DLGAP1: variants seen among roughly 807,000 people sequenced by gnomAD.
The protein encoded by DLGAP1 is disks large-associated protein 1.
Under a neutral mutation model 90.8 loss-of-function variants are expected in DLGAP1, and 11 were observed. That is an observed-to-expected ratio of 0.12 (90% CI 0.08 to 0.20). The LOEUF (loss-of-function observed/expected upper bound fraction) is 0.20. Among genes scored for constraint, DLGAP1 ranks in the 10% least tolerant of loss-of-function variants. The probability of loss-of-function intolerance (pLI) is 1.00; values close to 1 mark genes in which losing one functional copy is unlikely to be tolerated. For missense variants in DLGAP1, 1,050 were observed against 1,333.8 expected, an observed-to-expected ratio of 0.79 and a Z score of 3.31; for synonymous variants, 558 against 540.7, an observed-to-expected ratio of 1.03 and a Z score of -0.44.
At chr18:3,862,518 G>A (rs2070133964) in intron 4 of DLGAP1, among the ~76,000 whole-genome samples, 1 of 148,760 alleles carries the variant, frequency 6.7e-6, no homozygotes, top group African/African-American at 2.5e-5. Context: ...TGATGGTGAG[G>A]GAGGTACAAA....
At chr18:4,235,719 CTTTTTTTT>C (rs1175101805) in intron 1 of DLGAP1, among the ~76,000 whole-genome samples, 5 of 80,252 alleles carry the variant, frequency 6.2e-5, no homozygotes, top group Admixed American at 1.9e-4. Context: ...ATTTCAATGT[CTTTTTTTT>C]TTTTTTTTTT....
chr18:4,002,212 A>T (rs974328092), intron 3 of DLGAP1, among the ~76,000 whole-genome samples: 2 of 152,172 alleles, frequency 1.3e-5, no homozygotes, highest in African/African-American at 4.8e-5. Context: ...TTTAGCAACG[A>T]AACTTTTAAA....
chr18:4,191,318 G>T (rs912035670), intron 1 of DLGAP1, among the ~76,000 whole-genome samples: 18 of 152,158 alleles, frequency 1.2e-4, no homozygotes, highest in African/African-American at 4.3e-4. Context: ...TCATACCAAA[G>T]ACTTCTTTAT....
At chr18:3,672,076 G>A (rs962842758) in intron 7 of DLGAP1, among the ~76,000 whole-genome samples, 2 of 152,110 alleles carry the variant, frequency 1.3e-5, no homozygotes, top group Admixed American at 1.3e-4. Context: ...TCAGAAAGCA[G>A]ATTTGAAAAG....
At chr18:3,751,707 C>T (rs569976248) in intron 5 of DLGAP1, among the ~76,000 whole-genome samples, 14 of 148,994 alleles carry the variant, frequency 9.4e-5, no homozygotes, top group African/African-American at 3.5e-4. Context: ...TAGAGGTGTG[C>T]GCGTGTGCCA....
chr18:3,800,697 T>C (rs2066248088), intron 5 of DLGAP1, among the ~76,000 whole-genome samples: 1 of 151,862 alleles, frequency 6.6e-6, no homozygotes, highest in Admixed American at 6.6e-5. Context: ...TATTTCTTGG[T>C]GGTGTTAAAA....
rs368177712 is a variant in DLGAP1, at chr18:4,090,741, GGTATATAC to G, written c.-159+60431_-159+60438del. Among the ~76,000 whole-genome samples the G allele has an allele frequency of 1.3e-3, 201 of 152,148 alleles. 7 individuals are homozygous for G. In the East Asian group the frequency reaches 0.036, roughly 27 times the overall value. On this transcript the variant is annotated intron_variant, in intron 2 of 12. Coordinates refer to ENST00000315677, the MANE Select transcript of DLGAP1 (RefSeq NM_004746.4). The stretch of plus-strand genomic sequence containing the variant: ...ATCTGACCCAGCAATCCCATCACTG[GGTATATAC>G]CCAAAGGAATATGAATCATTCTATC...
chr18:3,581,760 A>G, intron 8 of DLGAP1, 115 bp downstream of exon 8: 2 of 1,356,186 alleles, frequency 1.5e-6, no homozygotes, highest in East Asian at 2.3e-5. Flanking sequence ...ATCTGGTCCT[A>G]TGCATAGATC....
chr18:3,880,496 G>A (rs1186827457), intron 3 of DLGAP1, among the ~76,000 whole-genome samples: 1 of 152,070 alleles, frequency 6.6e-6, no homozygotes, highest in Non-Finnish European at 1.5e-5. Context: ...TCTCTTGAGG[G>A]TGCCATCTGC....
chr18:4,194,853 A>C (rs1364950407), intron 1 of DLGAP1, among the ~76,000 whole-genome samples: 1 of 152,212 alleles, frequency 6.6e-6, no homozygotes, highest in Non-Finnish European at 1.5e-5. Context: ...GTTTTGATAT[A>C]TGTATACAAC....
At chr18:3,940,203 T>C (rs564735826) in intron 3 of DLGAP1, among the ~76,000 whole-genome samples, 1 of 152,200 alleles carries the variant, frequency 6.6e-6, no homozygotes, top group Non-Finnish European at 1.5e-5. Flanking sequence ...ACAGCTACCA[T>C]GCAATTGCCA....
chr18:4,145,345 A>G (rs2076567379), intron 2 of DLGAP1, among the ~76,000 whole-genome samples: 1 of 152,248 alleles, frequency 6.6e-6, no homozygotes, highest in South Asian at 2.1e-4. Context: ...CTGACATAAA[A>G]ACTATAGAAT....
chr18:3,659,558 A>G (rs1169653149), intron 7 of DLGAP1, among the ~76,000 whole-genome samples: 1 of 149,746 alleles, frequency 6.7e-6, no homozygotes, highest in Non-Finnish European at 1.5e-5. Flanking sequence ...TCAGCTCAAT[A>G]TCTTTTTTTT....
chr18:3,686,662 T>A (rs1317664564), intron 7 of DLGAP1, among the ~76,000 whole-genome samples: 1 of 152,096 alleles, frequency 6.6e-6, no homozygotes, highest in East Asian at 1.9e-4. Context: ...AAGAAATCAT[T>A]GGTCAGGTTC....
chr18:3,584,276 C>G lies in DLGAP1; in HGVS notation c.1592-2028G>C, dbSNP rs192060598. Among the ~76,000 whole-genome samples the G allele has an allele frequency of 1.4e-3, 213 of 151,762 alleles. 2 individuals are homozygous for G. Among genetic ancestry groups the G allele is most frequent in the African/African-American group, 4.7e-3 (194 of 41,366 alleles). On this transcript the variant is annotated intron_variant, in intron 7 of 12. Transcript: ENST00000315677. ...TCCTCCCCACCCCACCCCAGCCCACCCACTCTCACAGGTGGTGTCACTGTG... is the reference window on the plus strand; with the variant it reads ...TCCTCCCCACCCCACCCCAGCCCACGCACTCTCACAGGTGGTGTCACTGTG...
At chr18:4,393,069 C>G (rs72864554) in intron 1 of DLGAP1, among the ~76,000 whole-genome samples, 1 of 152,280 alleles carries the variant, frequency 6.6e-6, no homozygotes, top group Non-Finnish European at 1.5e-5. Flanking sequence ...GCAGCCCTCA[C>G]GTGGTTGTCA....
At chr18:4,212,507 G>A (rs1340501402) in intron 1 of DLGAP1, among the ~76,000 whole-genome samples, 4 of 103,934 alleles carry the variant, frequency 3.8e-5, no homozygotes, top group Non-Finnish European at 6.5e-5. Context: ...CTCTACTAAA[G>A]TTAAAAAAAA....
intron 1 of DLGAP1, among the ~76,000 whole-genome samples, chr18:4,314,199 T>C (rs934196485): frequency 1.3e-5 from 2 of 152,196 alleles, no homozygotes; most frequent in African/African-American, 2.4e-5. Context: ...CTGAGCAACT[T>C]GGCAGCACAT....
chr18:3,511,556 GAA>G (rs539670860), intron 10 of DLGAP1, among the ~76,000 whole-genome samples: 2 of 139,728 alleles, frequency 1.4e-5, no homozygotes, highest in Admixed American at 1.4e-4. Flanking sequence ...CTTCACGGTG[GAA>G]AAAAAAAAAA....
Sources: gnomAD v4.1 joint callset for allele counts (sites outside exome capture counted in the v4.1 genomes callset) on GRCh38, gnomAD v4.1.1 for gene constraint, MANE v1.5 for transcripts, NCBI Gene and HGNC (gene_info 2026-07-23, HGNC 2026-07-21) for gene names.